The following TBC1D1 variants were observed in gnomAD, a reference collection of about 807,000 sequenced individuals.
The protein encoded by TBC1D1 is TBC1 domain family member 1.
TBC1D1 carries 89 observed loss-of-function variants against 125.6 expected under a neutral mutation model. The observed-to-expected ratio is 0.71, with a 90% CI of 0.60 to 0.85. The LOEUF (loss-of-function observed/expected upper bound fraction) is 0.85, where lower values mean the gene tolerates loss of function less well. Among genes scored for constraint, TBC1D1 ranks in the 40% least tolerant of loss-of-function variants. The probability of loss-of-function intolerance (pLI) is 0.00; values close to 1 mark genes in which losing one functional copy is unlikely to be tolerated. For synonymous variants in TBC1D1, 565 were observed against 564.1 expected, an observed-to-expected ratio of 1.00 and a Z score of -0.02; for missense variants, 1,377 against 1,469.2, an observed-to-expected ratio of 0.94 and a Z score of 1.03.
At chr4:38,025,456 G>T (rs1050800207) in intron 6 of TBC1D1, among the ~76,000 whole-genome samples, 2 of 152,212 alleles carry the variant, frequency 1.3e-5, no homozygotes, top group African/African-American at 2.4e-5. Flanking sequence ...GCTATTTAGA[G>T]ATGGGACCAG....
chr4:38,055,736 T>C (rs564780499), intron 12 of TBC1D1, among the ~76,000 whole-genome samples: 1 of 152,180 alleles, frequency 6.6e-6, no homozygotes, highest in Non-Finnish European at 1.5e-5. Flanking sequence ...GTGAGCCAGA[T>C]GGCCACATCT....
At chr4:38,066,894 C>T (rs1329154107) in intron 12 of TBC1D1, among the ~76,000 whole-genome samples, 2 of 151,654 alleles carry the variant, frequency 1.3e-5, no homozygotes, top group Non-Finnish European at 2.9e-5. Context: ...TTTTCTTTTA[C>T]CCCGATGGAG....
At chr4:38,113,213 C>CCT (rs777712149) in intron 15 of TBC1D1, among the ~76,000 whole-genome samples, 4 of 152,140 alleles carry the variant, frequency 2.6e-5, no homozygotes, top group Admixed American at 6.5e-5. Flanking sequence ...GAGCATGAAG[C>CCT]CTTGTGCAAG....
intron 2 of TBC1D1, among the ~76,000 whole-genome samples, chr4:37,919,900 C>T (rs1720564654): frequency 6.6e-6 from 1 of 152,230 alleles, no homozygotes; most frequent in African/African-American, 2.4e-5. Context: ...ATCATGAGGT[C>T]AGGAGATCGA....
chr4:37,918,773 G>T (rs183967237), intron 2 of TBC1D1, among the ~76,000 whole-genome samples: 1 of 152,076 alleles, frequency 6.6e-6, no homozygotes, highest in South Asian at 2.1e-4. Context: ...AAGCCTAGCC[G>T]TACAATTTTT....
chr4:37,901,978 TA>T, intron 1 of TBC1D1, 24 bp from the exon 2 acceptor site: 2 of 1,045,728 alleles, frequency 1.9e-6, no homozygotes, highest in Non-Finnish European at 2.8e-6. Flanking sequence ...CATTAAATTC[TA>T]ATGCCTCTGG....
intron 2 of TBC1D1, among the ~76,000 whole-genome samples, chr4:37,975,108 T>C (rs1368407343): frequency 6.6e-6 from 1 of 152,174 alleles, no homozygotes; most frequent in East Asian, 1.9e-4. Context: ...AATGCCAGGC[T>C]GTGCTGATAT....
chr4:38,093,531 T>TCCC (rs1578667267), intron 13 of TBC1D1, among the ~76,000 whole-genome samples: 1 of 145,552 alleles, frequency 6.9e-6, no homozygotes, highest in African/African-American at 2.4e-5. Flanking sequence ...CCCCCCCTTT[T>TCCC]TTTTTTTTTT....
intron 2 of TBC1D1, among the ~76,000 whole-genome samples, chr4:37,958,933 A>G (rs1729429497): frequency 6.6e-6 from 1 of 152,190 alleles, no homozygotes; most frequent in African/African-American, 2.4e-5. Context: ...CCACTGGCAC[A>G]TCATATATTT....
chr4:38,079,765 CTATT>C (rs1466350579), intron 12 of TBC1D1, among the ~76,000 whole-genome samples: 1 of 152,070 alleles, frequency 6.6e-6, no homozygotes, highest in Non-Finnish European at 1.5e-5. Flanking sequence ...TTTTAAAACT[CTATT>C]TAATGGTCAG....
In TBC1D1 at chr4:38,049,753, G is replaced by A. The variant is rs1434426087; in HGVS notation, c.1765G>A (p.Ala589Thr). 1 of 1,614,032 alleles carries A rather than the reference G, an allele frequency of 6.2e-7. No homozygotes were observed. The highest frequency in any genetic ancestry group is 1.7e-5 in the Admixed American group (1 of 60,004). The change falls in exon 11 of 20, where the codon GCC becomes ACC. Residue 589 changes from alanine (A) to threonine (T), a missense_variant. By Grantham distance (58) the Ala-to-Thr change is moderately conservative. Coordinates refer to ENST00000261439, the MANE Select transcript of TBC1D1 (RefSeq NM_015173.4). ...GCCAGCTCCGCTGTCGCCCCAGCAGGCCTTCAGGAGGCGAGCAAACACCCT... is the reference window on the plus strand; with the variant it reads ...GCCAGCTCCGCTGTCGCCCCAGCAGACCTTCAGGAGGCGAGCAAACACCCT...
intron 2 of TBC1D1, among the ~76,000 whole-genome samples, chr4:37,933,036 A>C (rs1723593230): frequency 6.6e-6 from 1 of 151,400 alleles, no homozygotes; most frequent in South Asian, 2.1e-4. Flanking sequence ...TGGGTGACAG[A>C]CTGAGACTCC....
chr4:38,054,210 C>G lies in TBC1D1; in HGVS notation c.1922C>G (p.Ser641Cys), dbSNP rs375364360. Residue 641 changes from serine to cysteine, a missense_variant, in exon 12 of 20, where the codon TCC becomes TGC. Physicochemically the swap from Ser to Cys is moderately radical, Grantham distance 112. This residue lies in a region of TBC1D1 where 822 missense variants were observed against 824.6 expected (regional missense o/e 1.00). Coordinates refer to ENST00000261439, the MANE Select transcript of TBC1D1 (RefSeq NM_015173.4). ...TCTTATAATTTTAGGGACTTTGAAT[C>G]CAAAGCAAACCATCTTGGTGATTCT... 1.9e-6 allele frequency: 3 copies of G among 1,613,996 alleles called. No individual in the cohort carries two copies. In the African/African-American group the frequency reaches 4.0e-5, roughly 22 times the overall value.
chr4:38,117,481 T>C (rs1763165323), intron 16 of TBC1D1, among the ~76,000 whole-genome samples: 1 of 152,246 alleles, frequency 6.6e-6, no homozygotes, highest in Admixed American at 6.5e-5. Flanking sequence ...ACTTGTCTTC[T>C]TGTTTTAACT....
Position 38,020,575 on chromosome 4 carries a change from T to G in TBC1D1, c.973-16T>G, listed in dbSNP as rs1266637863. The G allele has an allele frequency of 6.2e-7, 1 of 1,609,000 alleles. No individual in the cohort carries two copies. Among genetic ancestry groups the G allele is most frequent in the Non-Finnish European group, 8.5e-7 (1 of 1,176,248 alleles). On this transcript the variant is annotated splice_polypyrimidine_tract_variant and intron_variant, in intron 4 of 19. Coordinates refer to ENST00000261439, the MANE Select transcript of TBC1D1 (RefSeq NM_015173.4). ...TTCTGGATACAACTGAACATCTCGT[T>G]CTCTCCCTTTGGCAGGGCATCAGAC...
chr4:37,923,556 C>T lies in TBC1D1; in HGVS notation c.417+21044C>T, dbSNP rs114488203. Among the ~76,000 whole-genome samples, 1,381 of 152,228 alleles carry T rather than the reference C, an allele frequency of 9.1e-3. 15 individuals are homozygous for T. The highest frequency in any genetic ancestry group is 0.031 in the African/African-American group (1,290 of 41,524). On this transcript the variant is annotated intron_variant, in intron 2 of 19. Transcript: ENST00000261439. ...TATTGGAGCTGGAAGTCTCCCTGCACTTTTCAAGTGCACAAGCCAATGAAG... is the reference window on the plus strand; with the variant it reads ...TATTGGAGCTGGAAGTCTCCCTGCATTTTTCAAGTGCACAAGCCAATGAAG...
In TBC1D1 at chr4:38,067,410, G is replaced by A. The variant is rs375427992; in HGVS notation, c.2050+13072G>A. Among the ~76,000 whole-genome samples the A allele has an allele frequency of 9.8e-5, 15 of 152,294 alleles. No individual in the cohort carries two copies. The East Asian group carries it at 2.3e-3, about 23-fold the overall frequency. The stretch of plus-strand genomic sequence containing the variant: ...ATGTACACAGCTGGTGTGGTTTTTA[G>A]GATTTTATTTTGCAGCAGCATCTTC... On this transcript the variant is annotated intron_variant, in intron 12 of 19. Coordinates refer to ENST00000261439, the MANE Select transcript of TBC1D1 (RefSeq NM_015173.4).
In TBC1D1 at chr4:38,052,194, T is replaced by TGC. The variant is rs561090742; in HGVS notation, c.1911-1997_1911-1996dup. On this transcript the variant is annotated intron_variant, in intron 11 of 19. Transcript: ENST00000261439. The stretch of plus-strand genomic sequence containing the variant: ...GTGTGTGTGTGTGTGTGTGTGTGTG[T>TGC]GCGCGCGCGTGTGTGTCTTTGTTTA... 1,970 of 580,952 alleles carry TGC rather than the reference T, an allele frequency of 3.4e-3. 3 individuals are homozygous for TGC. Among genetic ancestry groups the TGC allele is most frequent in the Middle Eastern group, 6.3e-3 (20 of 3,178 alleles). The allele number at this position is 580,952 out of a possible 1,614,324, so 36.0% of individuals were successfully genotyped here.
At chr4:37,981,030 C>T (rs547908054) in intron 2 of TBC1D1, among the ~76,000 whole-genome samples, 50 of 152,134 alleles carry the variant, frequency 3.3e-4, no homozygotes, top group African/African-American at 1.2e-3. Flanking sequence ...GCAACCTCTG[C>T]CTCCTGGGTT....
Sources: gnomAD v4.1 joint callset for allele counts (sites outside exome capture counted in the v4.1 genomes callset) on GRCh38, gnomAD v4.1.1 for gene constraint, gnomAD v4.1.1 regional missense constraint, MANE v1.5 for transcripts, NCBI Gene and HGNC (gene_info 2026-07-23, HGNC 2026-07-21) for gene names.